RBFOX1: variants seen among roughly 807,000 people sequenced by gnomAD.
RBFOX1 encodes RNA binding fox-1 homolog 1, also known as RNA binding protein fox-1 homolog 1.
RBFOX1 carries 8 observed loss-of-function variants against 57.7 expected under a neutral mutation model. The ratio of observed to expected loss-of-function variants is 0.14; its 90% CI spans 0.08 to 0.25. The LOEUF is 0.25. RBFOX1 is among the 10% of genes least tolerant of loss of function. RBFOX1 has a pLI of 1.00. For missense variants in RBFOX1, 611 were observed against 548.5 expected (o/e 1.11, Z -1.14); for synonymous variants, 326 against 222.4 (o/e 1.47, Z -4.15).
intron 3 of RBFOX1, among the ~76,000 whole-genome samples, chr16:6,934,962 C>T (rs988366826): frequency 1.3e-5 from 2 of 151,978 alleles, no homozygotes; most frequent in Admixed American, 6.6e-5. Context: ...GTGGCATTTG[C>T]CTGTGGTTCC....
At chr16:7,240,581 G>T (rs1490944098) in intron 4 of RBFOX1, among the ~76,000 whole-genome samples, 1 of 151,996 alleles carries the variant, frequency 6.6e-6, no homozygotes, top group South Asian at 2.1e-4. Context: ...TTGAGACAGG[G>T]TCTCACTTTG....
rs1483237936 is a variant in RBFOX1 at position 6,859,189 on chromosome 16, A to ATATATG, written c.-15-192863_-15-192862insGTATAT. ...CGTATATATATGTATATATATGTAT[A>ATATATG]TATATATGTATATATATATATACAA... On this transcript the variant is annotated intron_variant, in intron 3 of 15. Transcript: ENST00000550418. 2.0e-3 allele frequency among the ~76,000 whole-genome samples: 196 copies of ATATATG among 98,922 alleles called. 4 individuals are homozygous for ATATATG. Among genetic ancestry groups the ATATATG allele is most frequent in the African/African-American group, 7.5e-3 (190 of 25,328 alleles). 64.9% of individuals were successfully genotyped at this position (98,922 alleles called of 152,430 possible). A position where few individuals can be genotyped will look rare whatever the true frequency, so the allele number is the denominator to read the frequency against.
intron 2 of RBFOX1, among the ~76,000 whole-genome samples, chr16:6,606,168 C>G (rs2097922741): frequency 6.6e-6 from 1 of 151,994 alleles, no homozygotes; most frequent in Non-Finnish European, 1.5e-5. Flanking sequence ...CAGTAACATG[C>G]AAGTGTTGTG....
intron 4 of RBFOX1, among the ~76,000 whole-genome samples, chr16:7,182,998 C>T (rs769392135): frequency 6.6e-6 from 1 of 152,146 alleles, no homozygotes; most frequent in Non-Finnish European, 1.5e-5. Flanking sequence ...AGAGCTAAGC[C>T]TTATTTAGAA....
intron 4 of RBFOX1, among the ~76,000 whole-genome samples, chr16:7,067,094 A>T: frequency 6.6e-6 from 1 of 152,222 alleles, no homozygotes; most frequent in Non-Finnish European, 1.5e-5. Flanking sequence ...TACCAGGCAT[A>T]TCTGAAGGGG....
chr16:7,687,151 G>A (rs977795548), intron 14 of RBFOX1, among the ~76,000 whole-genome samples: 1 of 152,044 alleles, frequency 6.6e-6, no homozygotes, highest in Non-Finnish European at 1.5e-5. Flanking sequence ...TGTATACCCT[G>A]TCTCATTCTA....
Position 6,425,728 on chromosome 16 carries a change from C to T in RBFOX1, c.-64+108671C>T, listed in dbSNP as rs183117529. Among the ~76,000 whole-genome samples, 7 of 152,110 alleles carry T rather than the reference C, an allele frequency of 4.6e-5. No homozygotes were observed. The East Asian group carries it at 5.8e-4, about 13-fold the overall frequency. On this transcript the variant is annotated intron_variant, in intron 2 of 15. Coordinates refer to ENST00000550418, the MANE Select transcript of RBFOX1 (RefSeq NM_018723.4). ...GATCTAATTCATACACACACACACA[C>T]GAACGTTTTGATAGAGTTTGCAGAG...
At chr16:5,448,714 A>G (rs899605653) in intron 1 of RBFOX1, among the ~76,000 whole-genome samples, 1 of 152,138 alleles carries the variant, frequency 6.6e-6, no homozygotes, top group African/African-American at 2.4e-5. Context: ...CCCCTAAATG[A>G]CTAACTTGCT....
Position 7,156,828 on chromosome 16 carries a change from A to G in RBFOX1, c.27+104730A>G, listed in dbSNP as rs142499773. Among the ~76,000 whole-genome samples, 664 of 152,232 alleles carry G rather than the reference A, an allele frequency of 4.4e-3. 2 individuals carry two copies. The highest frequency in any genetic ancestry group is 0.015 in the African/African-American group (636 of 41,532). On this transcript the variant is annotated intron_variant, in intron 4 of 15. Coordinates refer to ENST00000550418, the MANE Select transcript of RBFOX1 (RefSeq NM_018723.4). The stretch of plus-strand genomic sequence containing the variant: ...GTACTTGTACATGCACAATTATAGG[A>G]TAATTTCTTATTTAATGGCTAGATC...
At chr16:5,950,424 C>G (rs1030283541) in intron 4 of RBFOX1, among the ~76,000 whole-genome samples, 22 of 152,190 alleles carry the variant, frequency 1.4e-4, no homozygotes, top group African/African-American at 5.1e-4. Flanking sequence ...ATTGGCAGTT[C>G]CACATTGGTG....
intron 2 of RBFOX1, among the ~76,000 whole-genome samples, chr16:6,385,441 T>C (rs1391274375): frequency 6.6e-6 from 1 of 152,112 alleles, no homozygotes; most frequent in Non-Finnish European, 1.5e-5. Flanking sequence ...CTCACTGCAA[T>C]CTCCTCCTCC....
At chr16:7,065,642 C>G (rs1276718544) in intron 4 of RBFOX1, among the ~76,000 whole-genome samples, 1 of 152,090 alleles carries the variant, frequency 6.6e-6, no homozygotes, top group East Asian at 1.9e-4. Context: ...ACATACTTAC[C>G]TTATTTTTTA....
In RBFOX1 at chr16:6,288,989, A is replaced by G. The variant is rs191914568; in HGVS notation, c.-126-28006A>G. ...TCTTTAGCTCCAGTGGTGTGAGAAG[A>G]GTAAGCAGGGATTGAGTGTGTCTCC... On this transcript the variant is annotated intron_variant, in intron 1 of 15. Transcript: ENST00000550418. Among the ~76,000 whole-genome samples the G allele has an allele frequency of 1.1e-3, 165 of 152,242 alleles. 1 individual carries two copies. The highest frequency in any genetic ancestry group is 3.9e-3 in the African/African-American group (162 of 41,564).
At chr16:7,279,029 C>G (rs566557941) in intron 4 of RBFOX1, among the ~76,000 whole-genome samples, 5 of 150,322 alleles carry the variant, frequency 3.3e-5, no homozygotes, top group African/African-American at 1.2e-4. Flanking sequence ...AAACTGATGA[C>G]GGATGGATAA....
At chr16:6,950,250 G>A (rs1254680957) in intron 3 of RBFOX1, among the ~76,000 whole-genome samples, 2 of 151,286 alleles carry the variant, frequency 1.3e-5, no homozygotes, top group Non-Finnish European at 2.9e-5. Flanking sequence ...GAGCCACCAT[G>A]TCCGGCCAGC....
At chr16:7,281,809 A>ATCTTTCTTTCTC (rs1304430697) in intron 4 of RBFOX1, among the ~76,000 whole-genome samples, 1 of 152,026 alleles carries the variant, frequency 6.6e-6, no homozygotes, top group Non-Finnish European at 1.5e-5. Context: ...GACCAAAATA[A>ATCTTTCTTTCTC]TCTTTCTTTC....
chr16:7,469,660 T>A (rs1474155781), intron 4 of RBFOX1, among the ~76,000 whole-genome samples: 1 of 152,248 alleles, frequency 6.6e-6, no homozygotes, highest in Non-Finnish European at 1.5e-5. Context: ...ATCATTATGG[T>A]ACATTTGTCA....
At chr16:6,409,281 G>A (rs960043427) in intron 2 of RBFOX1, among the ~76,000 whole-genome samples, 2 of 152,112 alleles carry the variant, frequency 1.3e-5, no homozygotes, top group Admixed American at 6.5e-5. Flanking sequence ...GGGCATGGTG[G>A]TGCGCACCGG....
intron 4 of RBFOX1, among the ~76,000 whole-genome samples, chr16:7,320,266 T>G (rs1005211986): frequency 6.6e-6 from 1 of 152,010 alleles, no homozygotes; most frequent in African/African-American, 2.4e-5. Flanking sequence ...GTGTGTTGTT[T>G]CCCTCCCTGT....
Sources: allele counts gnomAD v4.1 joint callset (sites outside exome capture counted in the v4.1 genomes callset), GRCh38; gene constraint gnomAD v4.1.1; transcripts MANE v1.5; gene names NCBI Gene and HGNC (gene_info 2026-07-23, HGNC 2026-07-21).